KCNB2: variants seen among roughly 807,000 people sequenced by gnomAD.
KCNB2 encodes potassium voltage-gated channel subfamily B member 2, also known as delayed rectifier potassium channel protein.
A neutral mutation model predicts 61.5 loss-of-function variants in KCNB2; 15 were observed. That is an observed-to-expected ratio of 0.24 (90% CI 0.16 to 0.38). The LOEUF is 0.38. KCNB2 is among the 10% of genes least tolerant of loss of function. KCNB2 has a pLI of 1.00. For missense variants in KCNB2, 828 were observed against 1,125.2 expected, an observed-to-expected ratio of 0.74 and a Z score of 3.78; for synonymous variants, 457 against 446.0, an observed-to-expected ratio of 1.02 and a Z score of -0.31.
intron 2 of KCNB2, among the ~76,000 whole-genome samples, chr8:72,755,029 A>T (rs1020359893): frequency 6.6e-6 from 1 of 152,200 alleles, no homozygotes; most frequent in African/African-American, 2.4e-5. Context: ...TCTTGGTAAG[A>T]TATGATGGGA....
At chr8:72,725,591 G>GTATGTATATACATA (rs1807631795) in intron 2 of KCNB2, among the ~76,000 whole-genome samples, 2 of 51,954 alleles carry the variant, frequency 3.8e-5, no homozygotes, top group African/African-American at 1.3e-4. Context: ...ATATATGTAT[G>GTATGTATATACATA]TATATATATA....
intron 2 of KCNB2, among the ~76,000 whole-genome samples, chr8:72,737,978 G>T (rs1807878495): frequency 6.6e-6 from 1 of 152,080 alleles, no homozygotes; most frequent in Admixed American, 6.6e-5. Flanking sequence ...CTTTAGCCTT[G>T]CACCATGCAT....
chr8:72,810,584 T>C (rs1230837333), intron 2 of KCNB2, among the ~76,000 whole-genome samples: 1 of 152,230 alleles, frequency 6.6e-6, no homozygotes, highest in African/African-American at 2.4e-5. Flanking sequence ...TAAGGTGATA[T>C]GCCTGGATGT....
intron 2 of KCNB2, among the ~76,000 whole-genome samples, chr8:72,624,490 T>G (rs1197261510): frequency 6.6e-6 from 1 of 152,198 alleles, no homozygotes; most frequent in Non-Finnish European, 1.5e-5. Context: ...AAGCCTGAGA[T>G]GGCTTTTAGC....
At chr8:72,923,353 G>A (rs1289006604) in intron 2 of KCNB2, among the ~76,000 whole-genome samples, 1 of 152,044 alleles carries the variant, frequency 6.6e-6, no homozygotes, top group East Asian at 1.9e-4. Context: ...GGTTTTGTAG[G>A]GCCATTTCAA....
intron 2 of KCNB2, among the ~76,000 whole-genome samples, chr8:72,814,624 A>G (rs1809361253): frequency 6.6e-6 from 1 of 152,236 alleles, no homozygotes; most frequent in South Asian, 2.1e-4. Context: ...GAAAAATAAC[A>G]GAAAGTTTTT....
At chr8:72,636,105 G>A (rs1284540779) in intron 2 of KCNB2, among the ~76,000 whole-genome samples, 1 of 152,150 alleles carries the variant, frequency 6.6e-6, no homozygotes, top group Admixed American at 6.5e-5. Context: ...GAGAACCCGA[G>A]GTAACAGCAG....
At chr8:72,835,169 A>T (rs1430298852) in intron 2 of KCNB2, among the ~76,000 whole-genome samples, 1 of 152,224 alleles carries the variant, frequency 6.6e-6, no homozygotes, top group East Asian at 1.9e-4. Context: ...AGTATTTCAG[A>T]TCCTGAGGAT....
intron 1 of KCNB2, among the ~76,000 whole-genome samples, chr8:72,548,649 T>C (rs374392409): frequency 2.6e-5 from 4 of 152,316 alleles, no homozygotes; most frequent in South Asian, 2.1e-4. Flanking sequence ...TTTAAAGTCA[T>C]TGGGTTTTTT....
chr8:72,806,966 C>T (rs1177831109), intron 2 of KCNB2, among the ~76,000 whole-genome samples: 1 of 152,166 alleles, frequency 6.6e-6, no homozygotes, highest in Non-Finnish European at 1.5e-5. Flanking sequence ...TCCCTCTCCT[C>T]TTCTCCTCAC....
In KCNB2 at chr8:72,824,380, C is replaced by T. The variant is rs76724889; in HGVS notation, c.580-111555C>T. ...TGTGTCTCTGTACTCTGGAGGATCC[C>T]TGCTGGGTTCTGCCCCCTACAGTTC... On this transcript the variant is annotated intron_variant, in intron 2 of 2. Coordinates refer to ENST00000523207, the MANE Select transcript of KCNB2 (RefSeq NM_004770.3). 7.6e-3 allele frequency among the ~76,000 whole-genome samples: 1,163 copies of T among 152,148 alleles called. 19 individuals are homozygous for T. Among genetic ancestry groups the T allele is most frequent in the African/African-American group, 0.027 (1,110 of 41,522 alleles).
intron 2 of KCNB2, among the ~76,000 whole-genome samples, chr8:72,673,870 A>C (rs902233262): frequency 5.9e-5 from 9 of 152,204 alleles, no homozygotes; most frequent in African/African-American, 1.9e-4. Flanking sequence ...ATGGATGGTG[A>C]TCTTGATTTC....
At chr8:72,581,330 C>G (rs1264006884) in intron 2 of KCNB2, among the ~76,000 whole-genome samples, 2 of 152,120 alleles carry the variant, frequency 1.3e-5, no homozygotes. Context: ...CCTGTTTTCC[C>G]CTAGTTCTCT....
intron 2 of KCNB2, among the ~76,000 whole-genome samples, chr8:72,709,440 G>T (rs1020036395): frequency 1.3e-5 from 2 of 151,822 alleles, no homozygotes; most frequent in African/African-American, 4.8e-5. Flanking sequence ...TCACAGTCCT[G>T]CAGGCTGTAC....
chr8:72,799,757 A>T (rs190787750), intron 2 of KCNB2, among the ~76,000 whole-genome samples: 155 of 152,256 alleles, frequency 1.0e-3, no homozygotes, highest in African/African-American at 3.5e-3. Context: ...GTATCTGAAG[A>T]CGTGGACATA....
chr8:72,901,266 A>G (rs1253473282), intron 2 of KCNB2, among the ~76,000 whole-genome samples: 1 of 152,168 alleles, frequency 6.6e-6, no homozygotes, highest in Non-Finnish European at 1.5e-5. Flanking sequence ...GTGGCAGACT[A>G]TCTGAGGGCA....
chr8:72,757,719 T>G (rs1181612811), intron 2 of KCNB2, among the ~76,000 whole-genome samples: 4 of 152,162 alleles, frequency 2.6e-5, no homozygotes, highest in African/African-American at 4.8e-5. Flanking sequence ...ACACTTTTAT[T>G]TGAGCCTCCT....
At chr8:72,853,500 A>T (rs1194863953) in intron 2 of KCNB2, among the ~76,000 whole-genome samples, 2 of 152,146 alleles carry the variant, frequency 1.3e-5, no homozygotes, top group Non-Finnish European at 2.9e-5. Flanking sequence ...TTGAACAAGA[A>T]TCCCTGTCTC....
intron 2 of KCNB2, among the ~76,000 whole-genome samples, chr8:72,702,031 T>C (rs954776371): frequency 1.3e-5 from 2 of 152,192 alleles, no homozygotes; most frequent in African/African-American, 4.8e-5. Flanking sequence ...CTAAGTTATC[T>C]ACAATGATTA....
Sources: gnomAD v4.1 joint callset for allele counts (sites outside exome capture counted in the v4.1 genomes callset) on GRCh38, gnomAD v4.1.1 for gene constraint, MANE v1.5 for transcripts, NCBI Gene and HGNC (gene_info 2026-07-23, HGNC 2026-07-21) for gene names.